PTPRD: variants seen among roughly 807,000 people sequenced by gnomAD.
The protein encoded by PTPRD is receptor-type tyrosine-protein phosphatase delta.
Under a neutral mutation model 214.5 loss-of-function variants are expected in PTPRD, and 34 were observed. The observed-to-expected ratio is 0.16, with a 90% confidence interval of 0.12 to 0.21. The LOEUF is 0.21. Among genes scored for constraint, PTPRD ranks in the 10% least tolerant of loss-of-function variants. The probability of loss-of-function intolerance (pLI) is 1.00; values close to 1 mark genes in which losing one functional copy is unlikely to be tolerated. For missense variants in PTPRD, 2,545 were observed against 2,398.7 expected, an observed-to-expected ratio of 1.06 and a Z score of -1.27; for synonymous variants, 1,128 against 845.7, an observed-to-expected ratio of 1.33 and a Z score of -5.79.
At chr9:8,602,504 C>T (rs565083939) in intron 14 of PTPRD, among the ~76,000 whole-genome samples, 5 of 151,920 alleles carry the variant, frequency 3.3e-5, no homozygotes, top group African/African-American at 7.2e-5. Context: ...ATTCCCTAAA[C>T]GTGTAAAAAG....
chr9:9,883,100 A>G (rs1295413668), intron 5 of PTPRD, among the ~76,000 whole-genome samples: 1 of 152,178 alleles, frequency 6.6e-6, no homozygotes, highest in Non-Finnish European at 1.5e-5. Context: ...TCTTTTAGTT[A>G]TAAATTACCC....
intron 5 of PTPRD, among the ~76,000 whole-genome samples, chr9:9,875,879 T>C (rs2066709787): frequency 6.6e-6 from 1 of 152,112 alleles, no homozygotes; most frequent in African/African-American, 2.4e-5. Flanking sequence ...ATGCAGAGAT[T>C]GGTGAATACA....
At chr9:10,231,336 G>C (rs1448531923) in intron 3 of PTPRD, among the ~76,000 whole-genome samples, 2 of 146,520 alleles carry the variant, frequency 1.4e-5, no homozygotes, top group Non-Finnish European at 3.0e-5. Context: ...AGAGAACAAA[G>C]AAAAAAAAAA....
At chr9:9,470,679 C>T (rs564101332) in intron 8 of PTPRD, among the ~76,000 whole-genome samples, 2 of 152,086 alleles carry the variant, frequency 1.3e-5, no homozygotes, top group African/African-American at 4.8e-5. Flanking sequence ...GTGAAGAAAT[C>T]TACATTCTCT....
intron 4 of PTPRD, among the ~76,000 whole-genome samples, chr9:10,018,796 G>A (rs1461682088): frequency 4.0e-4 from 61 of 151,722 alleles, no homozygotes; most frequent in African/African-American, 1.3e-3. Flanking sequence ...TGATCCGCCC[G>A]CCTCGGCCTC....
At chr9:9,458,679 C>T (rs1381536282) in intron 8 of PTPRD, among the ~76,000 whole-genome samples, 1 of 152,068 alleles carries the variant, frequency 6.6e-6, no homozygotes, top group African/African-American at 2.4e-5. Context: ...GAGTGGCTCA[C>T]TCCTTAATCC....
chr9:9,322,645 G>C (rs953465476), intron 9 of PTPRD, among the ~76,000 whole-genome samples: 1 of 152,104 alleles, frequency 6.6e-6, no homozygotes, highest in African/African-American at 2.4e-5. Context: ...TCACTGCCCT[G>C]TTTTATTAAA....
At chr9:9,555,816 A>AT (rs960658930) in intron 8 of PTPRD, among the ~76,000 whole-genome samples, 2 of 152,178 alleles carry the variant, frequency 1.3e-5, no homozygotes, top group Non-Finnish European at 2.9e-5. Flanking sequence ...AAGAGATTAA[A>AT]TTTTTTAATG....
intron 4 of PTPRD, among the ~76,000 whole-genome samples, chr9:10,027,875 G>A (rs1052147500): frequency 1.3e-5 from 2 of 152,078 alleles, no homozygotes; most frequent in Admixed American, 6.6e-5. Context: ...TTAGATGAGG[G>A]TGATTATTTT....
At chr9:9,014,215 T>C (rs901466159) in intron 11 of PTPRD, among the ~76,000 whole-genome samples, 1 of 140,014 alleles carries the variant, frequency 7.1e-6, no homozygotes, top group Non-Finnish European at 1.6e-5. Context: ...TTTTTTTTTC[T>C]GGAAGCATTT....
At chr9:10,079,545 G>A (rs1305336400) in intron 3 of PTPRD, among the ~76,000 whole-genome samples, 1 of 152,048 alleles carries the variant, frequency 6.6e-6, no homozygotes, top group African/African-American at 2.4e-5. Context: ...CCACATGTTT[G>A]AGTGTGGGCA....
At position 9,940,873 on chromosome 9, in the gene PTPRD, C is replaced by G. The variant is rs571708212; in HGVS notation, c.-471-2263G>C. 1.2e-3 allele frequency among the ~76,000 whole-genome samples: 183 copies of G among 152,214 alleles called. 5 individuals are homozygous for G. In the South Asian group the frequency reaches 0.037, roughly 31 times the overall value. On this transcript the variant is annotated intron_variant, in intron 4 of 45. Transcript: ENST00000381196. Reference sequence around the variant, plus strand: ...TATTTTACAATCTATGAGATATGATCTGAAGGCTTTCTCCAGCTTTTTAAT... The same window carrying G: ...TATTTTACAATCTATGAGATATGATGTGAAGGCTTTCTCCAGCTTTTTAAT...
chr9:9,687,679 C>G (rs4742611), intron 7 of PTPRD, among the ~76,000 whole-genome samples: 1 of 151,188 alleles, frequency 6.6e-6, no homozygotes, highest in African/African-American at 2.4e-5. Flanking sequence ...TATTAAAATG[C>G]CTTCTCTATG....
At chr9:9,512,995 T>A (rs1370267047) in intron 8 of PTPRD, among the ~76,000 whole-genome samples, 1 of 151,904 alleles carries the variant, frequency 6.6e-6, no homozygotes, top group East Asian at 1.9e-4. Flanking sequence ...TTTTAGCAAA[T>A]AAAAATCTTT....
At chr9:9,139,842 A>G (rs939338917) in intron 10 of PTPRD, among the ~76,000 whole-genome samples, 1 of 152,172 alleles carries the variant, frequency 6.6e-6, no homozygotes, top group Non-Finnish European at 1.5e-5. Flanking sequence ...GTTGTGATTG[A>G]ACTATTCTAC....
chr9:8,502,430 A>G (rs2097430369), intron 23 of PTPRD, among the ~76,000 whole-genome samples: 1 of 152,066 alleles, frequency 6.6e-6, no homozygotes, highest in Non-Finnish European at 1.5e-5. Flanking sequence ...GGGGATTATC[A>G]GTCTTTCTTA....
chr9:8,430,659 A>G (rs567960344), intron 35 of PTPRD, among the ~76,000 whole-genome samples: 9 of 152,212 alleles, frequency 5.9e-5, no homozygotes, highest in Admixed American at 5.2e-4. Context: ...GGTAGTACCT[A>G]TAATTCTACA....
intron 12 of PTPRD, among the ~76,000 whole-genome samples, chr9:8,706,192 T>C (rs1194183505): frequency 6.6e-6 from 1 of 152,140 alleles, no homozygotes; most frequent in Non-Finnish European, 1.5e-5. Flanking sequence ...AAAAGAAAAC[T>C]GCCTCGTTTC....
intron 3 of PTPRD, among the ~76,000 whole-genome samples, chr9:10,134,070 C>A (rs1564029079): frequency 1.3e-5 from 2 of 152,078 alleles, no homozygotes; most frequent in African/African-American, 2.4e-5. Flanking sequence ...ATACTCCAGG[C>A]CATGGGTGCC....
Sources: gnomAD v4.1 joint callset for allele counts (sites outside exome capture counted in the v4.1 genomes callset) on GRCh38, gnomAD v4.1.1 for gene constraint, MANE v1.5 for transcripts, NCBI Gene and HGNC (gene_info 2026-07-23, HGNC 2026-07-21) for gene names.